The following CTDSPL variants were observed in gnomAD, a reference collection of about 807,000 sequenced individuals.
The protein encoded by CTDSPL is CTD small phosphatase-like protein.
A neutral mutation model predicts 30.5 loss-of-function variants in CTDSPL; 8 were observed. The ratio of observed to expected loss-of-function variants is 0.26; its 90% CI spans 0.15 to 0.47. CTDSPL has a LOEUF of 0.47. Among genes scored for constraint, CTDSPL ranks in the 20% least tolerant of loss-of-function variants. The pLI, the probability that CTDSPL is intolerant of heterozygous loss-of-function variation, is 0.99. For synonymous variants in CTDSPL, 110 were observed against 137.9 expected, an observed-to-expected ratio of 0.80 and a Z score of 1.42; for missense variants, 248 against 366.1, an observed-to-expected ratio of 0.68 and a Z score of 2.63.
intron 1 of CTDSPL, among the ~76,000 whole-genome samples, chr3:37,927,714 A>T (rs1698801656): frequency 6.7e-6 from 1 of 148,460 alleles, no homozygotes; most frequent in Non-Finnish European, 1.5e-5. Flanking sequence ...ATAAAAAATG[A>T]AATCTACCCT....
intron 1 of CTDSPL, among the ~76,000 whole-genome samples, chr3:37,927,659 T>TGTGC (rs1698797386): frequency 7.3e-6 from 1 of 136,868 alleles, no homozygotes; most frequent in Admixed American, 7.3e-5. Context: ...TGTGTGTGTG[T>TGTGC]GTGTGTGTGT....
At chr3:37,965,205 T>A (rs1699286339) in intron 4 of CTDSPL, among the ~76,000 whole-genome samples, 3 of 152,186 alleles carry the variant, frequency 2.0e-5, no homozygotes, top group African/African-American at 7.2e-5. Context: ...AAGAAGTGGC[T>A]GGGGTTTTTT....
intron 4 of CTDSPL, among the ~76,000 whole-genome samples, chr3:37,966,712 G>GTTTTGTT (rs964986545): frequency 6.6e-6 from 1 of 152,024 alleles, no homozygotes; most frequent in African/African-American, 2.4e-5. Flanking sequence ...ATGTTTTTTT[G>GTTTTGTT]TTTTGTTTTT....
intron 1 of CTDSPL, among the ~76,000 whole-genome samples, chr3:37,910,716 T>A (rs1304403175): frequency 6.6e-6 from 1 of 152,216 alleles, no homozygotes; most frequent in Non-Finnish European, 1.5e-5. Context: ...GATTCTAAAA[T>A]TCAGGGCTGT....
intron 6 of CTDSPL, among the ~76,000 whole-genome samples, chr3:37,973,577 C>G (rs770930452): frequency 1.3e-5 from 2 of 152,206 alleles, no homozygotes; most frequent in Non-Finnish European, 2.9e-5. Context: ...TGGTCATGCC[C>G]CTGTCCTTGG....
chr3:37,872,572 CTTTTTTTTTTT>C (rs1294021036), intron 1 of CTDSPL, among the ~76,000 whole-genome samples: 2 of 54,254 alleles, frequency 3.7e-5, no homozygotes, highest in Admixed American at 2.2e-4. Flanking sequence ...ATTCTTTTAT[CTTTTTTTTTTT>C]TTTTTTTTTT....
intron 1 of CTDSPL, among the ~76,000 whole-genome samples, chr3:37,876,807 G>T (rs1333379724): frequency 2.7e-5 from 4 of 149,914 alleles, no homozygotes; most frequent in Non-Finnish European, 4.4e-5. Context: ...TTCTTATTAT[G>T]ATAAAATACA....
Position 37,982,641 on chromosome 3 carries a change from GAAGT to G in CTDSPL, c.*1780_*1783del. The stretch of plus-strand genomic sequence containing the variant: ...GACTGCTGTGTGAATATTCAGAAGG[GAAGT>G]AAGTATTCAGGGGGTAAACAGGTCT... On this transcript the variant is annotated 3_prime_UTR_variant, in exon 8 of 8. Coordinates refer to ENST00000273179, the MANE Select transcript of CTDSPL (RefSeq NM_001008392.2). 2.2e-6 allele frequency: 1 copy of G among 456,654 alleles called. No homozygotes were observed. The highest frequency in any genetic ancestry group is 4.4e-6 in the Non-Finnish European group (1 of 226,970). 28.3% of individuals were successfully genotyped at this position (456,654 alleles called of 1,614,324 possible). A position where few individuals can be genotyped will look rare whatever the true frequency, so the allele number is the denominator to read the frequency against.
chr3:37,875,221 T>G (rs1698122497), intron 1 of CTDSPL, among the ~76,000 whole-genome samples: 1 of 152,192 alleles, frequency 6.6e-6, no homozygotes, highest in Non-Finnish European at 1.5e-5. Context: ...GGTGGTATAG[T>G]CCTCTGAAAC....
intron 1 of CTDSPL, among the ~76,000 whole-genome samples, chr3:37,940,334 A>G (rs1013200472): frequency 3.3e-5 from 5 of 150,478 alleles, no homozygotes; most frequent in African/African-American, 7.3e-5. Flanking sequence ...TTGAGAGACA[A>G]TCCTTTCCAT....
intron 1 of CTDSPL, among the ~76,000 whole-genome samples, chr3:37,910,517 A>T (rs1385782807): frequency 1.3e-5 from 2 of 152,158 alleles, no homozygotes; most frequent in Non-Finnish European, 2.9e-5. Context: ...AAACAAAAAA[A>T]ACCAGTCTGA....
At chr3:37,967,704 T>C in intron 4 of CTDSPL, 122 bp from the exon 5 acceptor site, 1 of 639,474 alleles carries the variant, frequency 1.6e-6, no homozygotes, top group South Asian at 1.9e-5. Flanking sequence ...TTCATCATCC[T>C]CCTCCTGAAC....
intron 1 of CTDSPL, among the ~76,000 whole-genome samples, chr3:37,893,618 G>A (rs968725086): frequency 6.6e-6 from 1 of 152,200 alleles, no homozygotes; most frequent in African/African-American, 2.4e-5. Context: ...AAGGTGGTTA[G>A]CAGGTGGTTG....
Position 37,878,101 on chromosome 3 carries a change from TTTTG to T in CTDSPL, c.79+15843_79+15846del, listed in dbSNP as rs963855672. Among the ~76,000 whole-genome samples, 10 of 152,268 alleles carry T rather than the reference TTTTG, an allele frequency of 6.6e-5. No homozygotes were observed. In the South Asian group the frequency reaches 1.5e-3, roughly 22 times the overall value. ...CCTCATCACACTTGTTATCTTCTGT[TTTTG>T]TTTGTTTGTTTGTTTGTTTTTTATA... On this transcript the variant is annotated intron_variant, in intron 1 of 7. Coordinates refer to ENST00000273179, the MANE Select transcript of CTDSPL (RefSeq NM_001008392.2).
At chr3:37,935,588 G>T (rs1268136309) in intron 1 of CTDSPL, among the ~76,000 whole-genome samples, 1 of 152,218 alleles carries the variant, frequency 6.6e-6, no homozygotes, top group Non-Finnish European at 1.5e-5. Flanking sequence ...CTGAGGCAAG[G>T]AAGGGCATTT....
At position 37,928,076 on chromosome 3, in the gene CTDSPL, T is replaced by G. The variant is rs1324251074; in HGVS notation, c.80-18981T>G. Among the ~76,000 whole-genome samples, 3 of 152,316 alleles carry G rather than the reference T, an allele frequency of 2.0e-5. No homozygotes were observed. In the East Asian group the frequency reaches 5.8e-4, roughly 29 times the overall value. On this transcript the variant is annotated intron_variant, in intron 1 of 7. Coordinates refer to ENST00000273179, the MANE Select transcript of CTDSPL (RefSeq NM_001008392.2). ...TGCTGTGGCACGTGTCAAAATTTAT[T>G]TCCTTTTTGAGGCTGAATAATATTC...
In CTDSPL at chr3:37,982,066, C is replaced by T; in HGVS notation, c.*1199C>T. 2.8e-6 allele frequency: 1 copy of T among 355,916 alleles called. No individual in the cohort carries two copies. The highest frequency in any genetic ancestry group is 2.1e-5 in the South Asian group (1 of 47,626). The allele number at this position is 355,916 out of a possible 1,614,324, so 22.0% of individuals were successfully genotyped here. On this transcript the variant is annotated 3_prime_UTR_variant, in exon 8 of 8. Coordinates refer to ENST00000273179, the MANE Select transcript of CTDSPL (RefSeq NM_001008392.2). ...GAAGGGTACAAAGGCAAAAGGACCACAGCACCACTTAGGTGTAGCATGGAT... is the reference window on the plus strand; with the variant it reads ...GAAGGGTACAAAGGCAAAAGGACCATAGCACCACTTAGGTGTAGCATGGAT...
chr3:37,873,108 C>A (rs1218882687), intron 1 of CTDSPL, among the ~76,000 whole-genome samples: 2 of 152,168 alleles, frequency 1.3e-5, no homozygotes, highest in Non-Finnish European at 2.9e-5. Context: ...GAAGAGGGAG[C>A]TCATTACCAG....
At chr3:37,885,588 G>A (rs754683274) in intron 1 of CTDSPL, among the ~76,000 whole-genome samples, 1 of 152,148 alleles carries the variant, frequency 6.6e-6, no homozygotes, top group East Asian at 1.9e-4. Context: ...TGGGAACCTG[G>A]ACCCTGGCAG....
Sources: allele counts gnomAD v4.1 joint callset (sites outside exome capture counted in the v4.1 genomes callset), GRCh38; gene constraint gnomAD v4.1.1; transcripts MANE v1.5; gene names NCBI Gene and HGNC (gene_info 2026-07-23, HGNC 2026-07-21).